BRD7: variants seen among roughly 807,000 people sequenced by gnomAD.
BRD7 encodes the protein bromodomain containing 7, also known as bromodomain-containing protein 7.
Under a neutral mutation model 82.1 loss-of-function variants are expected in BRD7, and 15 were observed. The observed-to-expected ratio is 0.18, with a 90% CI of 0.12 to 0.28. The LOEUF (loss-of-function observed/expected upper bound fraction) is 0.28, where lower values mean the gene tolerates loss of function less well. Among genes scored for constraint, BRD7 ranks in the 10% least tolerant of loss-of-function variants. The probability of loss-of-function intolerance (pLI) is 1.00; values close to 1 mark genes in which losing one functional copy is unlikely to be tolerated. For missense variants in BRD7, 638 were observed against 779.9 expected, an observed-to-expected ratio of 0.82 and a Z score of 2.17; for synonymous variants, 232 against 266.9, an observed-to-expected ratio of 0.87 and a Z score of 1.27.
At chr16:50,319,786 A>G (rs2037002581) in intron 16 of BRD7, 101 bp downstream of exon 16, 3 of 1,462,532 alleles carry the variant, frequency 2.1e-6, no homozygotes, top group Admixed American at 4.5e-5. Context: ...TTGTGGGGTA[A>G]ATACCAAATC....
intron 5 of BRD7, among the ~76,000 whole-genome samples, chr16:50,342,174 GA>G (rs539775907): frequency 2.7e-5 from 4 of 150,642 alleles, no homozygotes; most frequent in African/African-American, 9.7e-5. Flanking sequence ...AAATCATGCA[GA>G]AAAAAAACAA....
At chr16:50,320,584 T>G (rs1367831335) in intron 14 of BRD7, 79 bp downstream of exon 14, 1 of 1,393,138 alleles carries the variant, frequency 7.2e-7, no homozygotes, top group Admixed American at 1.7e-5. Flanking sequence ...ATGGCTATGT[T>G]AATCTGTACT....
chr16:50,348,342 T>C (rs1001515545), intron 5 of BRD7, among the ~76,000 whole-genome samples: 1 of 152,174 alleles, frequency 6.6e-6, no homozygotes, highest in African/African-American at 2.4e-5. Flanking sequence ...ATTCAGGACA[T>C]AGGCATGGGC....
In BRD7 at chr16:50,320,255, C is replaced by T; in HGVS notation, c.1749G>A (p.Met583Ile). The T allele has an allele frequency of 6.2e-7, 1 of 1,611,106 alleles. No homozygotes were observed. Among genetic ancestry groups the T allele is most frequent in the East Asian group, 2.2e-5 (1 of 44,860 alleles). ...ATGGGAGGCAAAACATACCAAGATG[C>T]ATTTCTCTGTATGAGGGACCCAAGA... is the stretch of plus-strand genomic sequence containing the variant. ...ICLLGPSYRE[M>I]HLAEQVTNNL... is the part of the protein sequence containing the mutation. Residue 583 changes from methionine (M) to isoleucine (I), a missense_variant, in exon 15 of 17, where the codon ATG (methionine) becomes ATA (isoleucine). Physicochemically the swap from Met to Ile is conservative, Grantham distance 10 (BLOSUM62 1). Around this residue, in one of 3 missense-constraint regions of BRD7, gnomAD observed 402 missense variants for 500.8 expected, o/e 0.80. Transcript: ENST00000394688.
At chr16:50,357,185 G>C (rs889550204) in intron 2 of BRD7, among the ~76,000 whole-genome samples, 5 of 152,200 alleles carry the variant, frequency 3.3e-5, no homozygotes, top group Non-Finnish European at 5.9e-5. Context: ...GCAGGTATGG[G>C]GTAGAGACAG....
intron 2 of BRD7, among the ~76,000 whole-genome samples, chr16:50,356,686 CTCTG>C (rs570332956): frequency 1.9e-4 from 28 of 149,456 alleles, no homozygotes; most frequent in Admixed American, 1.7e-3. Context: ...TATAAGGGAT[CTCTG>C]TCTGCCCTCT....
chr16:50,359,015 C>A lies in BRD7; in HGVS notation c.259-4093G>T, dbSNP rs144614752. Among the ~76,000 whole-genome samples the A allele has an allele frequency of 3.1e-3, 468 of 152,274 alleles. 3 individuals are homozygous for A. The highest frequency in any genetic ancestry group is 0.011 in the African/African-American group (443 of 41,566). ...TCTCCACCTAAAATTCTGATTCCAA[C>A]CTTTACATTTTCTTTTTCATAATTC... On this transcript the variant is annotated intron_variant, in intron 2 of 16. Coordinates refer to ENST00000394688, the MANE Select transcript of BRD7 (RefSeq NM_013263.5).
At chr16:50,347,144 A>G (rs573517121) in intron 5 of BRD7, among the ~76,000 whole-genome samples, 40 of 152,354 alleles carry the variant, frequency 2.6e-4, no homozygotes, top group Admixed American at 2.2e-3. Flanking sequence ...ATATAAACAG[A>G]ACCAAAGACA....
chr16:50,345,219 G>A (rs1001285729), intron 5 of BRD7, among the ~76,000 whole-genome samples: 8 of 152,200 alleles, frequency 5.3e-5, no homozygotes, highest in Non-Finnish European at 1.0e-4. Context: ...AACAAATGCT[G>A]ACAGATTTTG....
At position 50,368,042 on chromosome 16, in the gene BRD7, G is replaced by A. The variant is rs368394431; in HGVS notation, c.258+48C>T. The A allele has an allele frequency of 2.6e-4, 419 of 1,585,588 alleles. 2 individuals are homozygous for A. The highest frequency in any genetic ancestry group is 2.6e-3 in the South Asian group (232 of 90,410). Reference sequence around the variant, plus strand: ...GAAAATAAAATGAGGTTGGCACCTGGAAGAGGCAGTGCCGTCCGCAAAGCC... The same window carrying A: ...GAAAATAAAATGAGGTTGGCACCTGAAAGAGGCAGTGCCGTCCGCAAAGCC... On this transcript the variant is annotated intron_variant, in intron 2 of 16. Coordinates refer to ENST00000394688, the MANE Select transcript of BRD7 (RefSeq NM_013263.5).
intron 12 of BRD7, among the ~76,000 whole-genome samples, chr16:50,322,369 G>T (rs777655009): frequency 7.2e-5 from 11 of 152,204 alleles, no homozygotes; most frequent in Non-Finnish European, 1.5e-4. Context: ...AAGACAGGAA[G>T]GAGTTCTAGG....
At chr16:50,346,374 G>A (rs930246659) in intron 5 of BRD7, among the ~76,000 whole-genome samples, 44 of 152,054 alleles carry the variant, frequency 2.9e-4, no homozygotes, top group Non-Finnish European at 1.2e-4. Flanking sequence ...AGAAGCAAGA[G>A]CAAACACATT....
chr16:50,337,663 A>T lies in BRD7; in HGVS notation c.702+2313T>A, dbSNP rs1306194400. ...CTACTCTACAATTTTTTCAATGAAC[A>T]TTCAAAAACAGTTATCTTTGAAAAG... On this transcript the variant is annotated intron_variant, in intron 6 of 16. Coordinates refer to ENST00000394688, the MANE Select transcript of BRD7 (RefSeq NM_013263.5). 3.9e-5 allele frequency among the ~76,000 whole-genome samples: 6 copies of T among 152,228 alleles called. No homozygotes were observed. In the South Asian group the frequency reaches 1.2e-3, roughly 31 times the overall value.
At chr16:50,322,069 G>T in intron 12 of BRD7, 31 bp from the exon 13 acceptor site, 1 of 1,540,660 alleles carries the variant, frequency 6.5e-7, no homozygotes, top group Non-Finnish European at 8.8e-7. Flanking sequence ...AGCTTTTTAG[G>T]AAAACACATG....
chr16:50,334,818 T>G lies in BRD7; in HGVS notation c.780A>C (p.Thr260=), dbSNP rs1257455178. ...LQKTRKQKDG[T]DTSQSGEDGG... is the part of the protein sequence containing the mutation. ...CGTCCTCCCCACTCTGTGAGGTGTC[T>G]GTTCCATCTTTCTGCTTTCGAGTTT... The change falls in exon 7 of 17, where the codon ACA becomes ACC. Residue 260 remains threonine (T), a synonymous_variant. Coordinates refer to ENST00000394688, the MANE Select transcript of BRD7 (RefSeq NM_013263.5). 8 of 1,614,074 alleles carry G rather than the reference T, an allele frequency of 5.0e-6. No homozygotes were observed. Among genetic ancestry groups the G allele is most frequent in the East Asian group, 2.2e-5 (1 of 44,906 alleles).
At chr16:50,360,911 G>C (rs1234032136) in intron 2 of BRD7, among the ~76,000 whole-genome samples, 1 of 152,162 alleles carries the variant, frequency 6.6e-6, no homozygotes, top group Non-Finnish European at 1.5e-5. Flanking sequence ...AAAGGGGGAG[G>C]GTTTTCTGCC....
chr16:50,342,315 G>A (rs1032523516), intron 5 of BRD7, among the ~76,000 whole-genome samples: 5 of 152,134 alleles, frequency 3.3e-5, no homozygotes, highest in Non-Finnish European at 4.4e-5. Context: ...CGAAATAAGA[G>A]AGAATGTAAT....
chr16:50,319,350 G>A, intron 16 of BRD7, 84 bp from the exon 17 acceptor site: 1 of 1,319,204 alleles, frequency 7.6e-7, no homozygotes, highest in Non-Finnish European at 1.1e-6. Context: ...CTGCCATCCA[G>A]AAGCATAACT....
At chr16:50,342,453 G>GCC (rs2038105090) in intron 5 of BRD7, among the ~76,000 whole-genome samples, 1 of 80,822 alleles carries the variant, frequency 1.2e-5, no homozygotes, top group Non-Finnish European at 2.3e-5. Flanking sequence ...TAAAGACACT[G>GCC]TCTTTTTTTT....
Sources: allele counts gnomAD v4.1 joint callset (sites outside exome capture counted in the v4.1 genomes callset), GRCh38; gene constraint gnomAD v4.1.1; regional missense constraint gnomAD v4.1.1; transcripts MANE v1.5; gene names NCBI Gene and HGNC (gene_info 2026-07-23, HGNC 2026-07-21).